The following AHRR variants were observed in gnomAD, a reference collection of about 807,000 sequenced individuals.
The protein encoded by AHRR is ahR repressor.
In AHRR, 28 loss-of-function variants were observed where a neutral mutation model predicts 44.0. The ratio of observed to expected loss-of-function variants is 0.64; its 90% confidence interval spans 0.47 to 0.87. The LOEUF is 0.87. Ranked by LOEUF, AHRR falls within the 40% of genes least tolerant of loss-of-function variation. The probability of loss-of-function intolerance (pLI) is 0.00; values close to 1 mark genes in which losing one functional copy is unlikely to be tolerated. For synonymous variants in AHRR, 434 were observed against 407.0 expected, an observed-to-expected ratio of 1.07 and a Z score of -0.80; for missense variants, 990 against 953.9, an observed-to-expected ratio of 1.04 and a Z score of -0.50.
rs1358419240 is a variant in AHRR at position 387,041 on chromosome 5, C to T, written c.351+10325C>T. 6.6e-6 allele frequency among the ~76,000 whole-genome samples: 1 copy of T among 152,218 alleles called. No homozygotes were observed. The highest frequency in any genetic ancestry group is 1.5e-5 in the Non-Finnish European group (1 of 68,042). ...CTTCTGGGAGCCTTGTTTCCATATC[C>T]GTTTGATTGTCAAAGCCTCTGCTGC... is the stretch of plus-strand genomic sequence containing the variant. On this transcript the variant is annotated intron_variant, in intron 4 of 10. Coordinates refer to ENST00000684583, the MANE Select transcript of AHRR (RefSeq NM_001377236.1). The surrounding 1 kb of genome is among the most constrained non-coding windows in gnomAD (Gnocchi z 5.1).
intron 4 of AHRR, among the ~76,000 whole-genome samples, chr5:385,178 T>A (rs927305230): frequency 2.7e-5 from 4 of 150,596 alleles, no homozygotes; most frequent in African/African-American, 9.7e-5. Flanking sequence ...TATTTATCGT[T>A]TTTTTTTTTC....
chr5:409,469 G>C (rs952403544), intron 4 of AHRR, among the ~76,000 whole-genome samples: 1 of 152,218 alleles, frequency 6.6e-6, no homozygotes, highest in African/African-American at 2.4e-5. Context: ...TTCCTCGCCA[G>C]TATTCAGTGC....
chr5:436,469 G>A lies in AHRR; in HGVS notation c.*1635G>A, dbSNP rs1157481504. The A allele has an allele frequency of 6.6e-6, 1 of 152,406 alleles. No individual in the cohort carries two copies. Among genetic ancestry groups the A allele is most frequent in the Non-Finnish European group, 1.5e-5 (1 of 68,092 alleles). The allele number at this position is 152,406 out of a possible 1,614,324, so 9.4% of individuals were successfully genotyped here. A position where few individuals can be genotyped will look rare whatever the true frequency, so the allele number is the denominator to read the frequency against. ...GTCTTCTGCCCAATGCCAGGTGCCTGCGCCTCTCAGTGGCCTGGTTCTTGG... is the reference window on the plus strand; with the variant it reads ...GTCTTCTGCCCAATGCCAGGTGCCTACGCCTCTCAGTGGCCTGGTTCTTGG... On this transcript the variant is annotated 3_prime_UTR_variant, in exon 11 of 11. Transcript: ENST00000684583.
At chr5:382,873 C>T (rs1290969920) in intron 4 of AHRR, among the ~76,000 whole-genome samples, 1 of 151,956 alleles carries the variant, frequency 6.6e-6, no homozygotes, top group Non-Finnish European at 1.5e-5. Flanking sequence ...ATTTTTTTAA[C>T]TAACCATTCT....
rs138327837 is a variant in AHRR, at chr5:382,819, T to C, written c.351+6103T>C. On this transcript the variant is annotated intron_variant, in intron 4 of 10. Transcript: ENST00000684583. ...CTTCTACTTGCTCTAGTTTTAAATA[T>C]TTTATTTTTCTTTAGATACTTAAGA... 6.2e-3 allele frequency among the ~76,000 whole-genome samples: 805 copies of C among 129,306 alleles called. 21 individuals carry two copies. Among genetic ancestry groups the C allele is most frequent in the Admixed American group, 0.049 (692 of 14,152 alleles). The allele number at this position is 129,306 out of a possible 152,430, so 84.8% of individuals were successfully genotyped here.
At chr5:426,731 G>GTGGA (rs370378213) in intron 7 of AHRR, among the ~76,000 whole-genome samples, 1 of 113,136 alleles carries the variant, frequency 8.8e-6, no homozygotes, top group African/African-American at 2.7e-5. Context: ...AGATAGATGG[G>GTGGA]TGGATGGATG....
rs531050271 is a variant in AHRR, at chr5:370,136, G to A, written c.245-6474G>A. ...GGAAGCCCCGTCCTCCCGGGCCCTCGCTGGTGCCCCGTCCTCCCGGGCCCT... is the reference window on the plus strand; with the variant it reads ...GGAAGCCCCGTCCTCCCGGGCCCTCACTGGTGCCCCGTCCTCCCGGGCCCT... On this transcript the variant is annotated intron_variant, in intron 3 of 10. Coordinates refer to ENST00000684583, the MANE Select transcript of AHRR (RefSeq NM_001377236.1). This position sits in a 1 kb window ranked among gnomAD's most constrained non-coding sequence, Gnocchi z 4.5. Among the ~76,000 whole-genome samples the A allele has an allele frequency of 3.5e-5, 5 of 140,894 alleles. No homozygotes were observed. The highest frequency in any genetic ancestry group is 5.4e-5 in the African/African-American group (2 of 36,950). The allele number at this position is 140,894 out of a possible 152,430, so 92.4% of individuals were successfully genotyped here.
intron 3 of AHRR, among the ~76,000 whole-genome samples, chr5:367,233 G>A (rs1217487588): frequency 1.3e-5 from 2 of 152,232 alleles, no homozygotes; most frequent in East Asian, 1.9e-4. Flanking sequence ...AAGAGCAAGT[G>A]CCCAGGGAGG....
chr5:413,558 T>C (rs1041255905), intron 5 of AHRR, 125 bp downstream of exon 5: 6 of 722,102 alleles, frequency 8.3e-6, no homozygotes, highest in African/African-American at 7.2e-5. Context: ...TGAGCTCTTA[T>C]CAGATAAAGA....
At chr5:421,352 C>G (rs1285093405) in intron 5 of AHRR, 1 of 684,456 alleles carries the variant, frequency 1.5e-6, no homozygotes, top group Admixed American at 2.1e-5. Context: ...TGGGTATCAT[C>G]CCTCCACGTG....
Position 434,264 on chromosome 5 carries a change from G to C in AHRR, c.1524G>C (p.Glu508Asp). ...TTGCCACGAGGGGCTATCCCATGGA[G>C]GACATGAAGCTGCAAGGTGTACCGA... is the stretch of plus-strand genomic sequence containing the variant. Reference protein sequence around the residue: ...QRFATRGYPMEDMKLQGVPMP... With the variant: ...QRFATRGYPMDDMKLQGVPMP... Residue 508 changes from glutamate (E) to aspartate (D), a missense_variant, in exon 11 of 11, where the codon GAG becomes GAC. Transcript: ENST00000684583. 1.2e-6 allele frequency: 2 copies of C among 1,603,142 alleles called. No homozygotes were observed. The highest frequency in any genetic ancestry group is 1.7e-6 in the Non-Finnish European group (2 of 1,174,570).
intron 4 of AHRR, among the ~76,000 whole-genome samples, chr5:390,514 G>A (rs1734369308): frequency 6.6e-6 from 1 of 152,198 alleles, no homozygotes. Flanking sequence ...AACGATCCCG[G>A]AGAAGCATTT....
At chr5:330,259 T>C (rs1741862126) in intron 1 of AHRR, among the ~76,000 whole-genome samples, 1 of 152,224 alleles carries the variant, frequency 6.6e-6, no homozygotes, top group South Asian at 2.1e-4. Flanking sequence ...TTATGTGATG[T>C]ATTACATTTA....
chr5:434,607 G>T lies in AHRR; in HGVS notation c.1867G>T (p.Asp623Tyr). The change falls in exon 11 of 11, where the codon GAC becomes TAC. Residue 623 changes from aspartate to tyrosine, a missense_variant. By Grantham distance (160) the Asp-to-Tyr change is radical. Transcript: ENST00000684583. ...ACACTGTGCCTGCCTGGAGCCCACA[G>T]ACGGCCTTCCCCAGTCGGAGCCTCC... ...PAHCACLEPT[D>Y]GLPQSEPPHQ... The T allele has an allele frequency of 2.6e-6, 4 of 1,565,170 alleles. No individual in the cohort carries two copies. Among genetic ancestry groups the T allele is most frequent in the Non-Finnish European group, 3.5e-6 (4 of 1,155,102 alleles).
chr5:343,864 C>T (rs1460289086), intron 1 of AHRR, 29 bp from the exon 2 acceptor site: 2 of 1,583,306 alleles, frequency 1.3e-6, no homozygotes, highest in Non-Finnish European at 8.6e-7. Context: ...TGGCGCGTTC[C>T]GGTGACCGGG....
rs1450326261 is a variant in AHRR at position 406,092 on chromosome 5, A to G, written c.352-7252A>G. Among the ~76,000 whole-genome samples, 1 of 152,240 alleles carries G rather than the reference A, an allele frequency of 6.6e-6. No homozygotes were observed. The highest frequency in any genetic ancestry group is 6.5e-5 in the Admixed American group (1 of 15,290). On this transcript the variant is annotated intron_variant, in intron 4 of 10. Coordinates refer to ENST00000684583, the MANE Select transcript of AHRR (RefSeq NM_001377236.1). The surrounding 1 kb of genome is among the most constrained non-coding windows in gnomAD (Gnocchi z 4.7). Reference sequence around the variant, plus strand: ...TTCTGCAACAAAATTAACTGGGGAAAAAAAAACTAGGGAGAAAACGGGAAA... The same window carrying G: ...TTCTGCAACAAAATTAACTGGGGAAGAAAAAACTAGGGAGAAAACGGGAAA...
At chr5:394,884 A>C (rs562100169) in intron 4 of AHRR, among the ~76,000 whole-genome samples, 6 of 152,212 alleles carry the variant, frequency 3.9e-5, no homozygotes, top group Non-Finnish European at 8.8e-5. Flanking sequence ...AGTCCTCCCC[A>C]GCCTGGGGGT....
chr5:404,462 C>T lies in AHRR; in HGVS notation c.352-8882C>T, dbSNP rs1263068864. 1.8e-5 allele frequency: 9 copies of T among 508,416 alleles called. No individual in the cohort carries two copies. Among genetic ancestry groups the T allele is most frequent in the African/African-American group, 1.2e-4 (6 of 50,266 alleles). The allele number at this position is 508,416 out of a possible 1,614,324, so 31.5% of individuals were successfully genotyped here. On this transcript the variant is annotated intron_variant, in intron 4 of 10. Coordinates refer to ENST00000684583, the MANE Select transcript of AHRR (RefSeq NM_001377236.1). This position sits in a 1 kb window ranked among gnomAD's most constrained non-coding sequence, Gnocchi z 4.1. ...ACCACTGTGCTGGTGCTGTCGTGCA[C>T]GGTGTGTTCACCAAAACATCTAACG...
chr5:344,184 G>A (rs978691688), intron 2 of AHRR, among the ~76,000 whole-genome samples: 11 of 151,066 alleles, frequency 7.3e-5, no homozygotes, highest in Non-Finnish European at 1.0e-4. Context: ...TGCGCCCTCG[G>A]GGCCCTGAGC....
Sources: allele counts gnomAD v4.1 joint callset (sites outside exome capture counted in the v4.1 genomes callset), GRCh38; gene constraint gnomAD v4.1.1; non-coding constraint Gnocchi (gnomAD v3.1); transcripts MANE v1.5; gene names NCBI Gene and HGNC (gene_info 2026-07-23, HGNC 2026-07-21).